The following RBFOX1 variants were observed in gnomAD, a reference collection of about 807,000 sequenced individuals.
RBFOX1 encodes RNA binding fox-1 homolog 1, also known as RNA binding protein fox-1 homolog 1.
A neutral mutation model predicts 57.7 loss-of-function variants in RBFOX1; 8 were observed. The observed-to-expected ratio is 0.14, with a 90% CI of 0.08 to 0.25. The LOEUF (loss-of-function observed/expected upper bound fraction) is 0.25. Ranked by LOEUF, RBFOX1 falls within the 10% of genes least tolerant of loss-of-function variation. The pLI, the probability that RBFOX1 is intolerant of heterozygous loss-of-function variation, is 1.00. For synonymous variants in RBFOX1, 326 were observed against 222.4 expected, an observed-to-expected ratio of 1.47 and a Z score of -4.15; for missense variants, 611 against 548.5, an observed-to-expected ratio of 1.11 and a Z score of -1.14.
rs910087244 is a variant in RBFOX1, at chr16:6,790,054, T to C, written c.-16+135404T>C. Among the ~76,000 whole-genome samples, 6 of 149,136 alleles carry C rather than the reference T, an allele frequency of 4.0e-5. No homozygotes were observed. In the Admixed American group the frequency reaches 4.0e-4, roughly 10 times the overall value. ...CTGTTATTTTTCTAAATTTTTGAGA[T>C]GGAGATTTAATAAACTTATTTATAT... On this transcript the variant is annotated intron_variant, in intron 3 of 15. Coordinates refer to ENST00000550418, the MANE Select transcript of RBFOX1 (RefSeq NM_018723.4).
At chr16:7,091,951 C>T (rs143743533) in intron 4 of RBFOX1, among the ~76,000 whole-genome samples, 1 of 152,166 alleles carries the variant, frequency 6.6e-6, no homozygotes, top group African/African-American at 2.4e-5. Context: ...CAACATCTGC[C>T]CATTTTGTTT....
chr16:5,462,326 G>A (rs138482901), intron 1 of RBFOX1, among the ~76,000 whole-genome samples: 1,869 of 151,906 alleles, frequency 0.012, 50 homozygotes, highest in African/African-American at 0.043. Context: ...CCGCCACCAC[G>A]CCCGGCTAAT....
chr16:7,294,778 AT>A (rs1447475192), intron 4 of RBFOX1, among the ~76,000 whole-genome samples: 1 of 102,106 alleles, frequency 9.8e-6, no homozygotes, highest in African/African-American at 3.8e-5. Context: ...GATGAATATG[AT>A]GATGATGATG....
intron 2 of RBFOX1, among the ~76,000 whole-genome samples, chr16:6,602,990 T>C (rs2097873601): frequency 6.6e-6 from 1 of 152,190 alleles, no homozygotes; most frequent in Admixed American, 6.5e-5. Flanking sequence ...TAATCATCAG[T>C]GCACCCAAGG....
chr16:5,417,412 G>C (rs570614531), intron 1 of RBFOX1, among the ~76,000 whole-genome samples: 1 of 152,208 alleles, frequency 6.6e-6, no homozygotes, highest in Non-Finnish European at 1.5e-5. Context: ...TCCACCGAGG[G>C]AGTAGAAAGC....
intron 2 of RBFOX1, among the ~76,000 whole-genome samples, chr16:6,478,420 TATATATATA>T (rs1247509869): frequency 0.053 from 944 of 17,970 alleles, 9 homozygotes; most frequent in Non-Finnish European, 0.069. Flanking sequence ...TATATATATA[TATATATATA>T]TTTTTTTTTT....
At chr16:7,146,351 T>C (rs1011116427) in intron 4 of RBFOX1, among the ~76,000 whole-genome samples, 1 of 152,184 alleles carries the variant, frequency 6.6e-6, no homozygotes, top group Non-Finnish European at 1.5e-5. Context: ...TGATGGTCTT[T>C]CCTATGCAAG....
At chr16:7,189,524 G>A (rs115945587) in intron 4 of RBFOX1, among the ~76,000 whole-genome samples, 5,574 of 140,644 alleles carry the variant, frequency 0.04, 154 homozygotes, top group South Asian at 0.098. Context: ...AGAATACATT[G>A]CCCCCACTCC....
At chr16:7,469,217 A>G (rs1016452656) in intron 4 of RBFOX1, among the ~76,000 whole-genome samples, 1 of 126,144 alleles carries the variant, frequency 7.9e-6, no homozygotes, top group Non-Finnish European at 1.7e-5. Flanking sequence ...TACAAGCGTG[A>G]GCCACCTAAT....
chr16:6,805,588 C>G (rs543834408), intron 3 of RBFOX1, among the ~76,000 whole-genome samples: 3 of 149,848 alleles, frequency 2.0e-5, no homozygotes, highest in African/African-American at 7.6e-5. Context: ...GAATACAGAT[C>G]ATCAGACAAT....
chr16:7,090,406 G>C lies in RBFOX1; in HGVS notation c.27+38308G>C, dbSNP rs564763888. Reference sequence around the variant, plus strand: ...TAGATGGTATAGTCTCCCTTCTCTAGACTGACTTTGTCATTTTAGTCTATA... The same window carrying C: ...TAGATGGTATAGTCTCCCTTCTCTACACTGACTTTGTCATTTTAGTCTATA... On this transcript the variant is annotated intron_variant, in intron 4 of 15. Coordinates refer to ENST00000550418, the MANE Select transcript of RBFOX1 (RefSeq NM_018723.4). 3.9e-5 allele frequency among the ~76,000 whole-genome samples: 6 copies of C among 152,186 alleles called. No individual in the cohort carries two copies. The South Asian group carries it at 6.2e-4, about 16-fold the overall frequency.
At chr16:7,485,249 C>T (rs1567435789) in intron 4 of RBFOX1, among the ~76,000 whole-genome samples, 1 of 152,198 alleles carries the variant, frequency 6.6e-6, no homozygotes, top group Admixed American at 6.5e-5. Flanking sequence ...CATGCACACA[C>T]AGCTGCACCC....
chr16:7,424,806 C>G (rs2098594150), intron 4 of RBFOX1, among the ~76,000 whole-genome samples: 1 of 152,088 alleles, frequency 6.6e-6, no homozygotes. Flanking sequence ...CACATAATCA[C>G]CTTTCTAGTT....
chr16:6,903,803 A>G (rs921277166), intron 3 of RBFOX1, among the ~76,000 whole-genome samples: 36 of 152,274 alleles, frequency 2.4e-4, no homozygotes, highest in Admixed American at 2.0e-3. Context: ...TAGCCAGAGG[A>G]GGGAAGCAAT....
At chr16:6,249,944 G>A (rs550951992) in intron 1 of RBFOX1, among the ~76,000 whole-genome samples, 145 of 151,964 alleles carry the variant, frequency 9.5e-4, no homozygotes, top group African/African-American at 3.2e-3. Flanking sequence ...CCCCACAATA[G>A]GCCCACATTT....
chr16:5,663,346 A>G (rs2049719891), intron 3 of RBFOX1, among the ~76,000 whole-genome samples: 1 of 151,228 alleles, frequency 6.6e-6, no homozygotes, highest in South Asian at 2.1e-4. Flanking sequence ...TTGAGACCAC[A>G]GGCACATGCC....
intron 5 of RBFOX1, among the ~76,000 whole-genome samples, chr16:7,545,159 T>G (rs2084077052): frequency 6.6e-6 from 1 of 152,190 alleles, no homozygotes; most frequent in South Asian, 2.1e-4. Context: ...AAGGTGAACT[T>G]GAGTAGTTAC....
chr16:6,460,153 A>G (rs904976328), intron 2 of RBFOX1, among the ~76,000 whole-genome samples: 2 of 151,546 alleles, frequency 1.3e-5, no homozygotes, highest in East Asian at 1.9e-4. Flanking sequence ...TTATTTTCTC[A>G]TAGTTCTGGA....
At chr16:6,981,468 A>G (rs2088850445) in intron 3 of RBFOX1, among the ~76,000 whole-genome samples, 1 of 152,180 alleles carries the variant, frequency 6.6e-6, no homozygotes, top group Non-Finnish European at 1.5e-5. Context: ...GTGTGTATAA[A>G]CCACAGATTC....
Sources: gnomAD v4.1 joint callset for allele counts (sites outside exome capture counted in the v4.1 genomes callset) on GRCh38, gnomAD v4.1.1 for gene constraint, MANE v1.5 for transcripts, NCBI Gene and HGNC (gene_info 2026-07-23, HGNC 2026-07-21) for gene names.